Variants in RBAK observed in about 807,000 individuals in gnomAD.
The protein encoded by RBAK is RB-associated KRAB zinc finger protein.
In RBAK, 39 loss-of-function variants were observed where a neutral mutation model predicts 65.8. The ratio of observed to expected loss-of-function variants is 0.59; its 90% CI spans 0.46 to 0.77. The LOEUF (loss-of-function observed/expected upper bound fraction) is 0.77. RBAK is among the 30% of genes least tolerant of loss of function. The pLI, the probability that RBAK is intolerant of heterozygous loss-of-function variation, is 0.00. For missense variants in RBAK, 884 were observed against 855.1 expected, an observed-to-expected ratio of 1.03 and a Z score of -0.42; for synonymous variants, 343 against 289.7, an observed-to-expected ratio of 1.18 and a Z score of -1.87.
At chr7:5,060,836 T>G (rs1779050929) in intron 4 of RBAK, among the ~76,000 whole-genome samples, 1 of 152,178 alleles carries the variant, frequency 6.6e-6, no homozygotes, top group African/African-American at 2.4e-5. Flanking sequence ...CTCAGAGATG[T>G]TGTAGATTTC....
intron 4 of RBAK, among the ~76,000 whole-genome samples, chr7:5,060,100 G>T (rs1041300677): frequency 1.3e-5 from 2 of 152,188 alleles, no homozygotes; most frequent in African/African-American, 4.8e-5. Flanking sequence ...GCTCTGAGAG[G>T]TAGGTGCATA....
chr7:5,045,904 G>C lies in RBAK; in HGVS notation c.-537G>C, dbSNP rs1396955882. The C allele has an allele frequency of 2.8e-6, 1 of 351,416 alleles. No individual in the cohort carries two copies. The highest frequency in any genetic ancestry group is 5.4e-6 in the Non-Finnish European group (1 of 183,888). The allele number at this position is 351,416 out of a possible 1,614,324, so 21.8% of individuals were successfully genotyped here. On this transcript the variant is annotated 5_prime_UTR_variant, in exon 1 of 5. Coordinates refer to ENST00000396912, the MANE Select transcript of RBAK (RefSeq NM_021163.4). ...CGTCCTCAGGTCACCGCTTGCTCTA[G>C]TTCCCAGGCTTTGGCCTCCAGTGGA... is the stretch of plus-strand genomic sequence containing the variant.
chr7:5,062,699 A>G (rs1779106139), intron 4 of RBAK, among the ~76,000 whole-genome samples: 1 of 152,182 alleles, frequency 6.6e-6, no homozygotes, highest in Non-Finnish European at 1.5e-5. Context: ...GATTTATTTC[A>G]TCCTTACAGT....
Position 5,068,140 on chromosome 7 carries a change from A to G in RBAK, c.*2539A>G, listed in dbSNP as rs922808046. The G allele has an allele frequency of 6.6e-6, 1 of 152,190 alleles. No individual in the cohort carries two copies. The highest frequency in any genetic ancestry group is 2.4e-5 in the African/African-American group (1 of 41,414). 9.4% of individuals were successfully genotyped at this position (152,190 alleles called of 1,614,324 possible). A position where few individuals can be genotyped will look rare whatever the true frequency, so the allele number is the denominator to read the frequency against. ...CATGTATGTGACAACAGCACCGAGT[A>G]TAGCAGAAGTGTTGGCAAACTTTAT... is the stretch of plus-strand genomic sequence containing the variant. On this transcript the variant is annotated 3_prime_UTR_variant, in exon 5 of 5. Coordinates refer to ENST00000396912, the MANE Select transcript of RBAK (RefSeq NM_021163.4).
chr7:5,057,610 T>C, intron 3 of RBAK, 74 bp from the exon 4 acceptor site: 3 of 1,602,160 alleles, frequency 1.9e-6, no homozygotes, highest in Non-Finnish European at 2.6e-6. Context: ...GCTTATGAGG[T>C]GGCAACATCT....
intron 4 of RBAK, among the ~76,000 whole-genome samples, chr7:5,061,529 G>A (rs554680525): frequency 2.0e-5 from 3 of 148,844 alleles, no homozygotes; most frequent in South Asian, 2.1e-4. Flanking sequence ...GAGCTCAGGC[G>A]ATCCATCCAC....
chr7:5,057,350 A>C lies in RBAK; in HGVS notation c.71A>C (p.Gln24Pro). The C allele has an allele frequency of 1.2e-6, 2 of 1,614,080 alleles. No individual in the cohort carries two copies. Among genetic ancestry groups the C allele is most frequent in the Non-Finnish European group, 1.7e-6 (2 of 1,180,002 alleles). ...AVDFTQEEWQ[Q>P]LDPDEKITYR... ...GATTTCACCCAGGAGGAGTGGCAGC[A>C]GCTGGACCCTGATGAGAAGATAACT... The change falls in exon 3 of 5, where the codon CAG becomes CCG. Residue 24 changes from glutamine (Q) to proline (P), a missense_variant. By Grantham distance (76) the Gln-to-Pro change is moderately conservative (BLOSUM62 -1). Transcript: ENST00000396912.
At chr7:5,046,913 T>G (rs972304446) in intron 1 of RBAK, among the ~76,000 whole-genome samples, 28 of 152,190 alleles carry the variant, frequency 1.8e-4, no homozygotes, top group African/African-American at 6.5e-4. Context: ...TCAGGAGTCT[T>G]ATCTCCCAGG....
intron 2 of RBAK, among the ~76,000 whole-genome samples, chr7:5,052,630 G>A (rs1351881578): frequency 6.6e-6 from 1 of 152,084 alleles, no homozygotes; most frequent in Non-Finnish European, 1.5e-5. Context: ...CTTACAATAG[G>A]ATACTTTCAT....
Position 5,064,878 on chromosome 7 carries a change from A to G in RBAK, c.1422A>G (p.Arg474=). ...TCAATTTAAATTCAGCCTTCATTAG[A>G]CATCGGAAAGTACACACAGAAGAGA... ...KTFNLNSAFI[R]HRKVHTEEKS... The change falls in exon 5 of 5, where the codon AGA becomes AGG. Residue 474 remains arginine (R), a synonymous_variant. Transcript: ENST00000396912. This position sits in a 1 kb window ranked among gnomAD's most constrained non-coding sequence, Gnocchi z 6.3. The G allele has an allele frequency of 6.2e-7, 1 of 1,614,028 alleles. No homozygotes were observed. Among genetic ancestry groups the G allele is most frequent in the South Asian group, 1.1e-5 (1 of 91,072 alleles).
intron 2 of RBAK, among the ~76,000 whole-genome samples, chr7:5,053,968 G>A (rs1283319044): frequency 1.3e-5 from 2 of 151,962 alleles, no homozygotes; most frequent in African/African-American, 4.8e-5. Context: ...TTCCCATCTC[G>A]CAACTCTTAC....
rs907293401 is a variant in RBAK, at chr7:5,063,898, T to C, written c.442T>C (p.Ser148Pro). 6.2e-7 allele frequency: 1 copy of C among 1,613,960 alleles called. No homozygotes were observed. Among genetic ancestry groups the C allele is most frequent in the Non-Finnish European group, 8.5e-7 (1 of 1,179,976 alleles). ...ATGTGGAAAGAATTTAGAATCTATT[T>C]CGCAATTAATTAGTAGTGATGGAAG... ...VSCGKNLESISQLISSDGSYA... is the reference protein window; with the variant it reads ...VSCGKNLESIPQLISSDGSYA... Residue 148 changes from serine (S) to proline (P), a missense_variant, in exon 5 of 5, where the codon TCG becomes CCG. Ser to Pro is a moderately conservative substitution (Grantham distance 74). Coordinates refer to ENST00000396912, the MANE Select transcript of RBAK (RefSeq NM_021163.4).
At position 5,062,673 on chromosome 7, in the gene RBAK, C is replaced by T. The variant is rs769289211; in HGVS notation, c.239-1022C>T. 4.1e-4 allele frequency among the ~76,000 whole-genome samples: 63 copies of T among 152,190 alleles called. 1 individual carries two copies. Among genetic ancestry groups the T allele is most frequent in the African/African-American group, 1.5e-3 (62 of 41,456 alleles). On this transcript the variant is annotated intron_variant, in intron 4 of 4. Transcript: ENST00000396912. ...TTCCTCTTCCTAATAAGCCTGGGAG[C>T]ACTATGGGAGACTGGGATTTATTTC...
intron 4 of RBAK, 88 bp downstream of exon 4, chr7:5,057,867 C>G (rs1425527589): frequency 4.8e-5 from 66 of 1,367,494 alleles, no homozygotes; most frequent in Non-Finnish European, 6.4e-5. Context: ...ATTCAGTACC[C>G]TCAGTAACAC....
At position 5,067,082 on chromosome 7, in the gene RBAK, A is replaced by C. The variant is rs1779237763; in HGVS notation, c.*1481A>C. ...GCATAAAGAGACTTAAACTACAACA[A>C]ACAATATGCTTAATGATGAAATAGT... On this transcript the variant is annotated 3_prime_UTR_variant, in exon 5 of 5. Coordinates refer to ENST00000396912, the MANE Select transcript of RBAK (RefSeq NM_021163.4). 6.6e-6 allele frequency: 1 copy of C among 152,204 alleles called. No homozygotes were observed. The highest frequency in any genetic ancestry group is 1.5e-5 in the Non-Finnish European group (1 of 68,012). 9.4% of individuals were successfully genotyped at this position (152,204 alleles called of 1,614,324 possible). A position where few individuals can be genotyped will look rare whatever the true frequency, so the allele number is the denominator to read the frequency against.
intron 4 of RBAK, among the ~76,000 whole-genome samples, chr7:5,059,090 G>A (rs1455271075): frequency 2.0e-5 from 3 of 152,138 alleles, no homozygotes; most frequent in African/African-American, 7.2e-5. Context: ...GATTGTGCTA[G>A]TCTTGTCTCC....
chr7:5,057,595 A>C, intron 3 of RBAK, 89 bp from the exon 4 acceptor site: 1 of 1,594,716 alleles, frequency 6.3e-7, no homozygotes, highest in Non-Finnish European at 8.6e-7. Context: ...CACTTCTGTT[A>C]TGCAGCTTAT....
rs1330721760 is a variant in RBAK at position 5,065,141 on chromosome 7, C to G, written c.1685C>G (p.Ser562Ter). The G allele has an allele frequency of 1.9e-6, 3 of 1,613,882 alleles. No individual in the cohort carries two copies. In the African/African-American group the frequency reaches 4.0e-5, roughly 22 times the overall value. ...TATACTGAACATTATAGAAGTCATT[C>G]AGAAGAGAAACCTTATGGATGTAGC... Reference protein sequence around the residue: ...SYYTEHYRSHSEEKPYGCSEC... With the variant: ...SYYTEHYRSH Residue 562 changes from serine to a stop codon, truncating the protein, a stop_gained, in exon 5 of 5, where the codon TCA becomes TGA. Coordinates refer to ENST00000396912, the MANE Select transcript of RBAK (RefSeq NM_021163.4). LOFTEE classifies it high-confidence loss of function. The surrounding 1 kb of genome is among the most constrained non-coding windows in gnomAD (Gnocchi z 5.3).
At position 5,068,734 on chromosome 7, in the gene RBAK, A is replaced by G. The variant is rs1367461148; in HGVS notation, c.*3133A>G. On this transcript the variant is annotated 3_prime_UTR_variant, in exon 5 of 5. Transcript: ENST00000396912. Reference sequence around the variant, plus strand: ...GTCTGTCCACCAAAGGACATGCACTAGAATATTTATAGCCTAAAACTGCAC... The same window carrying G: ...GTCTGTCCACCAAAGGACATGCACTGGAATATTTATAGCCTAAAACTGCAC... The G allele has an allele frequency of 2.6e-5, 4 of 152,240 alleles. No individual in the cohort carries two copies. Among genetic ancestry groups the G allele is most frequent in the South Asian group, 2.1e-4 (1 of 4,836 alleles). 9.4% of individuals were successfully genotyped at this position (152,240 alleles called of 1,614,324 possible). A position where few individuals can be genotyped will look rare whatever the true frequency, so the allele number is the denominator to read the frequency against.
Sources: allele counts gnomAD v4.1 joint callset (sites outside exome capture counted in the v4.1 genomes callset), GRCh38; gene constraint gnomAD v4.1.1; non-coding constraint Gnocchi (gnomAD v3.1); transcripts MANE v1.5; gene names NCBI Gene and HGNC (gene_info 2026-07-23, HGNC 2026-07-21).